KIAA1217: variants seen among roughly 807,000 people sequenced by gnomAD.
KIAA1217 encodes KIAA1217, also known as sickle tail protein homolog.
KIAA1217 carries 88 observed loss-of-function variants against 163.9 expected under a neutral mutation model. That is an observed-to-expected ratio of 0.54 (90% CI 0.45 to 0.64). KIAA1217 has a LOEUF of 0.64. Among genes scored for constraint, KIAA1217 ranks in the 30% least tolerant of loss-of-function variants. KIAA1217 has a pLI of 0.00. For synonymous variants in KIAA1217, 903 were observed against 923.1 expected (o/e 0.98, Z 0.39); for missense variants, 2,372 against 2,475.0 (o/e 0.96, Z 0.88).
chr10:24,240,865 T>A (rs200301828), intron 2 of KIAA1217, among the ~76,000 whole-genome samples: 1,570 of 149,952 alleles, frequency 0.01, 22 homozygotes, highest in East Asian at 0.026. Flanking sequence ...CTTTTTTTTT[T>A]TAAAAAAAAA....
intron 2 of KIAA1217, among the ~76,000 whole-genome samples, chr10:24,133,342 C>T (rs997689318): frequency 1.1e-4 from 16 of 152,116 alleles, no homozygotes; most frequent in African/African-American, 2.7e-4. Context: ...GAGGCTGAGA[C>T]GGGTGGATCA....
In KIAA1217 at chr10:23,966,999, T is replaced by A. The variant is rs534207091; in HGVS notation, c.-320-40226T>A. 1.2e-3 allele frequency among the ~76,000 whole-genome samples: 183 copies of A among 151,074 alleles called. 4 individuals carry two copies. Among genetic ancestry groups the A allele is most frequent in the African/African-American group, 4.0e-3 (161 of 40,676 alleles). On this transcript the variant is annotated intron_variant, in intron 1 of 18. Coordinates refer to the KIAA1217 transcript ENST00000376462. ...TGGAAAAGTGGCTAATCTGGTGTTA[T>A]CATAAAATTTTGATTTTATACAATC...
chr10:24,318,166 GAGAT>G (rs1405487661), intron 2 of KIAA1217, among the ~76,000 whole-genome samples: 2 of 152,170 alleles, frequency 1.3e-5, no homozygotes, highest in African/African-American at 4.8e-5. Context: ...TAATTAGATA[GAGAT>G]AGATTAGATT....
chr10:24,433,161 C>T lies in KIAA1217; in HGVS notation c.720C>T (p.Ser240=). ...TCGCCATTTACATCAAAGATGAAAGCAGAAATGTCTATTATGAATTAAATG... is the reference window on the plus strand; with the variant it reads ...TCGCCATTTACATCAAAGATGAAAGTAGAAATGTCTATTATGAATTAAATG... ...PSVAIYIKDE[S]RNVYYELNDV... The change falls in exon 4 of 21, where the codon AGC becomes AGT. Residue 240 remains serine (S), a synonymous_variant. Transcript: ENST00000376454. 6.2e-7 allele frequency: 1 copy of T among 1,613,882 alleles called. No individual in the cohort carries two copies.
At chr10:23,715,189 T>G (rs1282019712) in intron 1 of KIAA1217, among the ~76,000 whole-genome samples, 1 of 152,230 alleles carries the variant, frequency 6.6e-6, no homozygotes, top group Non-Finnish European at 1.5e-5. Flanking sequence ...TCTTACTCCA[T>G]GGTGAGCTTC....
chr10:24,005,929 C>G (rs1481961232), intron 1 of KIAA1217, among the ~76,000 whole-genome samples: 1 of 152,136 alleles, frequency 6.6e-6, no homozygotes, highest in African/African-American at 2.4e-5. Flanking sequence ...CTATCCTCTA[C>G]TCATCAAGAA....
At position 23,996,510 on chromosome 10, in the gene KIAA1217, G is replaced by GCCCTACAGTAAATGTAGC. The variant is rs1554837376; in HGVS notation, c.-320-10713_-320-10712insCTACAGTAAATGTAGCCC. Among the ~76,000 whole-genome samples, 4 of 152,178 alleles carry GCCCTACAGTAAATGTAGC rather than the reference G, an allele frequency of 2.6e-5. 1 individual carries two copies. The highest frequency in any genetic ancestry group is 2.4e-5 in the African/African-American group (1 of 41,510). On this transcript the variant is annotated intron_variant, in intron 1 of 18. Coordinates refer to the KIAA1217 transcript ENST00000376462. ...CTGTGTATCCAACACCTGTCACAGTGCCTGGTACACCGTAGCCCTACAGTA... is the reference window on the plus strand; with the variant it reads ...CTGTGTATCCAACACCTGTCACAGTGCCCTACAGTAAATGTAGCCCTGGTACACCGTAGCCCTACAGTA...
intron 2 of KIAA1217, among the ~76,000 whole-genome samples, chr10:24,261,082 G>A (rs1179586734): frequency 6.6e-6 from 1 of 151,976 alleles, no homozygotes; most frequent in African/African-American, 2.4e-5. Context: ...GGTACTTCAC[G>A]TATTAATACC....
chr10:24,228,518 C>G (rs1455776639), intron 2 of KIAA1217, among the ~76,000 whole-genome samples: 1 of 152,126 alleles, frequency 6.6e-6, no homozygotes, highest in African/African-American at 2.4e-5. Flanking sequence ...ATCTTATTCT[C>G]ACAATGACTT....
At chr10:23,900,058 G>C (rs1589040619) in intron 1 of KIAA1217, among the ~76,000 whole-genome samples, 1 of 150,924 alleles carries the variant, frequency 6.6e-6, no homozygotes, top group Non-Finnish European at 1.5e-5. Context: ...CCAGACTGGA[G>C]TGCAGTGGTG....
At chr10:24,039,813 G>T (rs1282716863) in intron 2 of KIAA1217, among the ~76,000 whole-genome samples, 1 of 64,188 alleles carries the variant, frequency 1.6e-5, no homozygotes, top group African/African-American at 3.4e-5. Flanking sequence ...TATAGATATA[G>T]ATATAGATAT....
intron 10 of KIAA1217, among the ~76,000 whole-genome samples, chr10:24,517,939 A>G (rs1423023354): frequency 6.6e-6 from 1 of 152,138 alleles, no homozygotes; most frequent in Admixed American, 6.6e-5. Flanking sequence ...AGGTTGCAGT[A>G]AGCTAAGATC....
intron 2 of KIAA1217, among the ~76,000 whole-genome samples, chr10:24,276,976 G>A (rs1418766878): frequency 6.6e-6 from 1 of 151,768 alleles, no homozygotes; most frequent in African/African-American, 2.4e-5. Context: ...CCAAGCTGGT[G>A]TCAAATTCCT....
At chr10:23,939,100 T>G (rs1187261436) in intron 1 of KIAA1217, among the ~76,000 whole-genome samples, 1 of 152,002 alleles carries the variant, frequency 6.6e-6, no homozygotes, top group East Asian at 1.9e-4. Context: ...ACACCACCAC[T>G]TAAAAATAAA....
chr10:23,869,309 A>G (rs918178224), intron 1 of KIAA1217, among the ~76,000 whole-genome samples: 1 of 151,854 alleles, frequency 6.6e-6, no homozygotes, highest in African/African-American at 2.4e-5. Flanking sequence ...CTAAATTGTT[A>G]TTCACTTGAA....
intron 2 of KIAA1217, among the ~76,000 whole-genome samples, chr10:24,122,453 A>G (rs2063319221): frequency 6.6e-6 from 1 of 152,174 alleles, no homozygotes; most frequent in Non-Finnish European, 1.5e-5. Flanking sequence ...TGCTGTGACG[A>G]TATGTTCAAA....
At chr10:24,323,417 G>A (rs1307642704) in intron 2 of KIAA1217, among the ~76,000 whole-genome samples, 1 of 152,172 alleles carries the variant, frequency 6.6e-6, no homozygotes, top group African/African-American at 2.4e-5. Flanking sequence ...CAGTTCATTT[G>A]AGTAAGTCCT....
rs921325696 is a variant in KIAA1217 at position 23,790,517 on chromosome 10, A to T, written c.-321+95283A>T. Among the ~76,000 whole-genome samples, 3 of 112,752 alleles carry T rather than the reference A, an allele frequency of 2.7e-5. 1 individual carries two copies. Among genetic ancestry groups the T allele is most frequent in the Non-Finnish European group, 5.1e-5 (3 of 58,604 alleles). 74.0% of individuals were successfully genotyped at this position (112,752 alleles called of 152,430 possible). On this transcript the variant is annotated intron_variant, in intron 1 of 18. Coordinates refer to the KIAA1217 transcript ENST00000376462. ...TATACATGTGCATATATACATATGT[A>T]TATATACATATATACATATACATGT...
chr10:23,784,072 T>C (rs1039512677), intron 1 of KIAA1217, among the ~76,000 whole-genome samples: 3 of 152,134 alleles, frequency 2.0e-5, no homozygotes, highest in African/African-American at 7.2e-5. Context: ...ATTGTATTGC[T>C]GTCTATTTCT....
Sources: gnomAD v4.1 joint callset for allele counts (sites outside exome capture counted in the v4.1 genomes callset) on GRCh38, gnomAD v4.1.1 for gene constraint, MANE v1.5 for transcripts, NCBI Gene and HGNC (gene_info 2026-07-23, HGNC 2026-07-21) for gene names.